Variants in ANKRD30B observed in about 807,000 individuals in gnomAD.
ANKRD30B encodes ankyrin repeat domain-containing protein 30B.
ANKRD30B carries 144 observed loss-of-function variants against 202.2 expected under a neutral mutation model. The observed-to-expected ratio is 0.71, with a 90% CI of 0.62 to 0.82. The LOEUF (loss-of-function observed/expected upper bound fraction) is 0.82, where lower values mean the gene tolerates loss of function less well. ANKRD30B is among the 40% of genes least tolerant of loss of function. The probability of loss-of-function intolerance (pLI) is 0.00; values close to 1 mark genes in which losing one functional copy is unlikely to be tolerated. For missense variants in ANKRD30B, 1,487 were observed against 1,669.1 expected (o/e 0.89, Z 1.90); for synonymous variants, 508 against 561.3 (o/e 0.91, Z 1.34).
chr18:14,795,331 C>G (rs563379214), intron 16 of ANKRD30B, among the ~76,000 whole-genome samples: 2 of 152,152 alleles, frequency 1.3e-5, no homozygotes, highest in Non-Finnish European at 2.9e-5. Flanking sequence ...CAAGTAGCTG[C>G]GGTTACAGGC....
In ANKRD30B at chr18:14,757,907, A is replaced by G. The variant is rs763258009; in HGVS notation, c.710A>G (p.His237Arg). 7.4e-6 allele frequency: 12 copies of G among 1,611,046 alleles called. No homozygotes were observed. Among genetic ancestry groups the G allele is most frequent in the Admixed American group, 1.7e-5 (1 of 59,468 alleles). Reference sequence around the variant, plus strand: ...GTTGACGTCTTTGCTGAAGACATACATGGAATAACTGCAGAACGTTATGCT... The same window carrying G: ...GTTGACGTCTTTGCTGAAGACATACGTGGAATAACTGCAGAACGTTATGCT... ...QNVDVFAEDI[H>R]GITAERYAAA... The change falls in exon 5 of 44, where the codon CAT becomes CGT. Residue 237 changes from histidine to arginine, a missense_variant. By Grantham distance (29) the His-to-Arg change is conservative. Transcript: ENST00000690538.
At chr18:14,895,602 T>C in the ANKRD30B span, among the ~76,000 whole-genome samples, 3 of 152,154 alleles carry the variant, frequency 2.0e-5, no homozygotes, top group Non-Finnish European at 4.4e-5. Context: ...ATTCGTATCA[T>C]CAAAAACCAG....
intron 15 of ANKRD30B, among the ~76,000 whole-genome samples, chr18:14,789,008 C>A (rs1271605309): frequency 6.6e-6 from 1 of 151,914 alleles, no homozygotes; most frequent in Non-Finnish European, 1.5e-5. Flanking sequence ...TACAGTCCCA[C>A]CAACAGTGTA....
At chr18:14,938,059 G>A in the ANKRD30B span, among the ~76,000 whole-genome samples, 1 of 152,130 alleles carries the variant, frequency 6.6e-6, no homozygotes, top group African/African-American at 2.4e-5. Flanking sequence ...TCCCAGGTAT[G>A]AAACTGACGA....
chr18:14,780,055 AAATATT>A (rs1312853010), intron 11 of ANKRD30B, 34 bp downstream of exon 11: 2 of 1,523,592 alleles, frequency 1.3e-6, no homozygotes, highest in South Asian at 2.3e-5. Flanking sequence ...TATTCTCTAA[AAATATT>A]AATATTGAGT....
chr18:14,919,223 G>A, the ANKRD30B span, among the ~76,000 whole-genome samples: 1 of 152,216 alleles, frequency 6.6e-6, no homozygotes, highest in Non-Finnish European at 1.5e-5. Flanking sequence ...GATATAAGGA[G>A]GGCCAAAATG....
chr18:14,839,496 C>G (rs1047328231), intron 36 of ANKRD30B, among the ~76,000 whole-genome samples: 1 of 152,150 alleles, frequency 6.6e-6, no homozygotes, highest in South Asian at 2.1e-4. Context: ...CCAATGTCAT[C>G]GTCATCCTCA....
At chr18:14,920,321 C>G in the ANKRD30B span, among the ~76,000 whole-genome samples, 1 of 152,334 alleles carries the variant, frequency 6.6e-6, no homozygotes, top group Admixed American at 6.5e-5. Flanking sequence ...CTTTGGCTTT[C>G]TCACAAATTC....
At chr18:14,867,833 C>T in the ANKRD30B span, among the ~76,000 whole-genome samples, 1 of 152,184 alleles carries the variant, frequency 6.6e-6, no homozygotes, top group Non-Finnish European at 1.5e-5. Flanking sequence ...CCAAAACTGG[C>T]CCCAGCCACC....
At chr18:14,866,051 C>T in the ANKRD30B span, among the ~76,000 whole-genome samples, 2 of 152,110 alleles carry the variant, frequency 1.3e-5, no homozygotes, top group South Asian at 4.1e-4. Context: ...CTTAGGACAA[C>T]CAATCAGAGT....
chr18:14,749,902 T>A (rs1174827936), intron 1 of ANKRD30B, among the ~76,000 whole-genome samples: 1 of 151,922 alleles, frequency 6.6e-6, no homozygotes, highest in Admixed American at 6.6e-5. Flanking sequence ...ATAAGTGAAA[T>A]GCCTGCTTTT....
At chr18:14,871,659 C>T in the ANKRD30B span, among the ~76,000 whole-genome samples, 1 of 152,010 alleles carries the variant, frequency 6.6e-6, no homozygotes, top group Non-Finnish European at 1.5e-5. Context: ...TGGGGAGGCC[C>T]AGGTGGGAGG....
Position 14,797,655 on chromosome 18 carries a change from T to A in ANKRD30B, c.1928-6T>A. The A allele has an allele frequency of 6.2e-7, 1 of 1,606,546 alleles. No homozygotes were observed. The highest frequency in any genetic ancestry group is 2.2e-5 in the East Asian group (1 of 44,672). On this transcript the variant is annotated splice_polypyrimidine_tract_variant and splice_region_variant and intron_variant, in intron 18 of 43. Transcript: ENST00000690538. ...TAATCAATTATAAATGTCCCTTTTC[T>A]TTTAGAGTCTCCTGATAAAGATGGT...
the ANKRD30B span, among the ~76,000 whole-genome samples, chr18:14,892,122 T>A: frequency 1.3e-5 from 2 of 152,258 alleles, no homozygotes; most frequent in African/African-American, 4.8e-5. Flanking sequence ...TATTTTCTTT[T>A]CCTTCAAGTC....
chr18:14,840,830 T>C (rs1468804998), intron 37 of ANKRD30B, among the ~76,000 whole-genome samples, 152 bp downstream of exon 37: 4 of 152,186 alleles, frequency 2.6e-5, no homozygotes, highest in African/African-American at 9.7e-5. Flanking sequence ...TTCTCAGATG[T>C]TGGCAACAGA....
intron 14 of ANKRD30B, among the ~76,000 whole-genome samples, chr18:14,784,773 C>A (rs1967973839): frequency 6.6e-6 from 1 of 152,032 alleles, no homozygotes; most frequent in Admixed American, 6.6e-5. Context: ...TATCCCGAAA[C>A]TGTAATGTTT....
chr18:14,754,771 A>G, intron 3 of ANKRD30B, 128 bp from the exon 4 acceptor site: 1 of 563,342 alleles, frequency 1.8e-6, no homozygotes, highest in South Asian at 5.4e-5. Flanking sequence ...GAAAGAAGGG[A>G]CTGCTATTGA....
the ANKRD30B span, among the ~76,000 whole-genome samples, chr18:14,896,757 A>G: frequency 1.4e-5 from 2 of 138,204 alleles, no homozygotes; most frequent in African/African-American, 5.6e-5. Context: ...GGATATGCAG[A>G]CCACTGTTTC....
At chr18:14,902,186 C>T in the ANKRD30B span, among the ~76,000 whole-genome samples, 4 of 152,134 alleles carry the variant, frequency 2.6e-5, no homozygotes, top group South Asian at 4.2e-4. Context: ...CCTGCCACCC[C>T]CTCCCCACAA....
Sources: gnomAD v4.1 joint callset for allele counts (sites outside exome capture counted in the v4.1 genomes callset) on GRCh38, gnomAD v4.1.1 for gene constraint, MANE v1.5 for transcripts, NCBI Gene and HGNC (gene_info 2026-07-23, HGNC 2026-07-21) for gene names.